Variants in EEIG2 observed in about 807,000 individuals in gnomAD.
The protein encoded by EEIG2 is EEIG family member 2.
chr1:108,604,692 G>T, the EEIG2 span, among the ~76,000 whole-genome samples: 5 of 151,996 alleles, frequency 3.3e-5, no homozygotes, highest in Non-Finnish European at 7.4e-5. Flanking sequence ...AAGATCGGGA[G>T]CCTTTGGCTT....
At chr1:108,622,668 G>A in the EEIG2 span, among the ~76,000 whole-genome samples, 12 of 152,154 alleles carry the variant, frequency 7.9e-5, no homozygotes, top group African/African-American at 2.2e-4. Context: ...ACTTGAAAGC[G>A]TCTCAATAGG....
At chr1:108,595,528 A>AG in the EEIG2 span, among the ~76,000 whole-genome samples, 1 of 107,298 alleles carries the variant, frequency 9.3e-6, no homozygotes, top group African/African-American at 3.4e-5. Context: ...GGAGGGAGGG[A>AG]GGAAAAAAAT....
the EEIG2 span, among the ~76,000 whole-genome samples, chr1:108,573,920 A>G: frequency 2.0e-5 from 3 of 152,206 alleles, no homozygotes; most frequent in Admixed American, 1.3e-4. Context: ...AGAAATTAGA[A>G]CCCTTTTGCA....
chr1:108,560,477 G>C, the EEIG2 span: 1 of 1,613,568 alleles, frequency 6.2e-7, no homozygotes, highest in Non-Finnish European at 8.5e-7. Context: ...CGAGCTCGAG[G>C]AGCTCTCCTC....
At chr1:108,570,124 A>C in the EEIG2 span, among the ~76,000 whole-genome samples, 8 of 152,240 alleles carry the variant, frequency 5.3e-5, no homozygotes, top group African/African-American at 9.7e-5. Flanking sequence ...ATAGGTAGAA[A>C]GGAGAAAGTG....
the EEIG2 span, among the ~76,000 whole-genome samples, chr1:108,568,071 T>C: frequency 6.6e-6 from 1 of 152,258 alleles, no homozygotes; most frequent in East Asian, 1.9e-4. Flanking sequence ...GATGTGGCTT[T>C]GTACAACTAA....
chr1:108,606,253 G>A, the EEIG2 span: 2 of 1,556,490 alleles, frequency 1.3e-6, no homozygotes, highest in Non-Finnish European at 1.7e-6. Context: ...TTATGCAAAG[G>A]TAAGCAGATG....
chr1:108,561,158 T>C, the EEIG2 span, among the ~76,000 whole-genome samples: 1 of 152,194 alleles, frequency 6.6e-6, no homozygotes, highest in African/African-American at 2.4e-5. Context: ...TAGGTCTCCT[T>C]GTGGGAGGGC....
At chr1:108,569,756 G>C in the EEIG2 span, among the ~76,000 whole-genome samples, 1 of 152,076 alleles carries the variant, frequency 6.6e-6, no homozygotes, top group Non-Finnish European at 1.5e-5. Context: ...AGCCAATTAT[G>C]TGTGCATTTG....
the EEIG2 span, chr1:108,627,811 A>T: frequency 5.0e-6 from 1 of 198,900 alleles, no homozygotes; most frequent in Non-Finnish European, 1.0e-5. Flanking sequence ...AATACATCTG[A>T]GTCATTTTTG....
chr1:108,620,954 C>T, the EEIG2 span, among the ~76,000 whole-genome samples: 1 of 152,138 alleles, frequency 6.6e-6, no homozygotes, highest in Non-Finnish European at 1.5e-5. Flanking sequence ...CCAGGGAAAT[C>T]TTTACTGAGA....
chr1:108,605,792 T>C, the EEIG2 span, among the ~76,000 whole-genome samples: 5 of 152,216 alleles, frequency 3.3e-5, no homozygotes, highest in Admixed American at 2.0e-4. Context: ...TACTTTTACA[T>C]GCACAGAGTA....
chr1:108,622,308 T>C, the EEIG2 span, among the ~76,000 whole-genome samples: 1 of 152,182 alleles, frequency 6.6e-6, no homozygotes. Context: ...CAGAGGCAAG[T>C]TTCAGAAAGA....
the EEIG2 span, among the ~76,000 whole-genome samples, chr1:108,607,999 A>G: frequency 1.3e-5 from 2 of 152,208 alleles, no homozygotes; most frequent in African/African-American, 4.8e-5. Flanking sequence ...CATTGCTTAT[A>G]AAGGAAAATG....
chr1:108,562,848 G>GA, the EEIG2 span, among the ~76,000 whole-genome samples: 351 of 136,474 alleles, frequency 2.6e-3, 1 homozygote, highest in East Asian at 0.013. Context: ...CATTTTACAA[G>GA]AAAAAAAAAA....
the EEIG2 span, chr1:108,628,055 T>A: frequency 5.4e-5 from 46 of 857,046 alleles, no homozygotes; most frequent in Admixed American, 1.0e-3. Context: ...ATTTTGTAAC[T>A]TATTGTTTTG....
chr1:108,628,797 T>C, the EEIG2 span: 2 of 1,611,428 alleles, frequency 1.2e-6, no homozygotes, highest in African/African-American at 2.7e-5. Context: ...TAGATTCCAG[T>C]GCGGAAGGTG....
chr1:108,583,176 A>G, the EEIG2 span, among the ~76,000 whole-genome samples: 3 of 151,350 alleles, frequency 2.0e-5, no homozygotes, highest in Non-Finnish European at 4.4e-5. Context: ...TTTTTTTTTG[A>G]AACAGGGTCT....
chr1:108,600,757 GT>G, the EEIG2 span: 40 of 1,492,498 alleles, frequency 2.7e-5, no homozygotes, highest in Middle Eastern at 1.7e-4. Flanking sequence ...GGCTGGCTTT[GT>G]TTATCTCTGC....
Sources: allele counts gnomAD v4.1 joint callset (sites outside exome capture counted in the v4.1 genomes callset), GRCh38; gene constraint gnomAD v4.1.1; transcripts MANE v1.5; gene names NCBI Gene and HGNC (gene_info 2026-07-23, HGNC 2026-07-21).